GRIN2B: variants seen among roughly 807,000 people sequenced by gnomAD.
GRIN2B encodes the protein glutamate receptor ionotropic, NMDA 2B.
In GRIN2B, 5 loss-of-function variants were observed where a neutral mutation model predicts 114.5. The observed-to-expected ratio is 0.04, with a 90% CI of 0.02 to 0.09. GRIN2B has a LOEUF of 0.09. GRIN2B is among the 10% of genes least tolerant of loss of function. The pLI is 1.00. For missense variants in GRIN2B, 1,108 were observed against 1,943.5 expected (o/e 0.57, Z 8.08); for synonymous variants, 787 against 745.1 (o/e 1.06, Z -0.92).
chr12:13,899,065 G>A (rs1038982211), intron 2 of GRIN2B, among the ~76,000 whole-genome samples: 2 of 152,094 alleles, frequency 1.3e-5, no homozygotes, highest in Non-Finnish European at 2.9e-5. Context: ...AATTCTAAGA[G>A]GCCAATAAGT....
At chr12:13,775,293 C>T (rs569735187) in intron 3 of GRIN2B, among the ~76,000 whole-genome samples, 2 of 152,194 alleles carry the variant, frequency 1.3e-5, no homozygotes, top group Non-Finnish European at 2.9e-5. Flanking sequence ...GTGGGGCTTG[C>T]GAGTAAGAGC....
intron 3 of GRIN2B, among the ~76,000 whole-genome samples, chr12:13,791,102 GA>G (rs1298155108): frequency 1.3e-5 from 2 of 152,106 alleles, no homozygotes; most frequent in Non-Finnish European, 2.9e-5. Context: ...CATAGCTACA[GA>G]AAAAAATGAC....
chr12:13,897,311 C>A (rs1411693144), intron 2 of GRIN2B, among the ~76,000 whole-genome samples: 1 of 152,142 alleles, frequency 6.6e-6, no homozygotes, highest in Admixed American at 6.5e-5. Flanking sequence ...ATCACTTACT[C>A]CATTAGCACA....
chr12:13,612,626 A>G (rs1243696991), intron 8 of GRIN2B, among the ~76,000 whole-genome samples: 1 of 152,266 alleles, frequency 6.6e-6, no homozygotes, highest in Non-Finnish European at 1.5e-5. Flanking sequence ...TGGGCAAGGT[A>G]GCAAGAATGT....
intron 3 of GRIN2B, among the ~76,000 whole-genome samples, chr12:13,821,081 C>G (rs144171964): frequency 6.6e-6 from 1 of 152,024 alleles, no homozygotes; most frequent in East Asian, 1.9e-4. Context: ...TAAAATACCC[C>G]CTGCTCTTCC....
intron 4 of GRIN2B, among the ~76,000 whole-genome samples, chr12:13,747,098 G>A (rs531539288): frequency 4.6e-5 from 7 of 152,258 alleles, no homozygotes; most frequent in Admixed American, 4.6e-4. Flanking sequence ...AAAAATAAAA[G>A]GGAGGAGAAA....
intron 2 of GRIN2B, among the ~76,000 whole-genome samples, chr12:13,873,362 G>A (rs955950992): frequency 1.3e-5 from 2 of 152,154 alleles, no homozygotes; most frequent in Non-Finnish European, 2.9e-5. Flanking sequence ...TTAAGTAGAA[G>A]ACCAATATCT....
chr12:13,757,193 A>T (rs1195103315), intron 3 of GRIN2B, among the ~76,000 whole-genome samples: 1 of 152,236 alleles, frequency 6.6e-6, no homozygotes, highest in Non-Finnish European at 1.5e-5. Flanking sequence ...AATGAAGCCA[A>T]ACAGAAGTCA....
chr12:13,608,173 G>A (rs576731684), intron 10 of GRIN2B, among the ~76,000 whole-genome samples: 3 of 152,280 alleles, frequency 2.0e-5, no homozygotes, highest in Admixed American at 6.5e-5. Flanking sequence ...AGTGTGCACC[G>A]GAACCAAGGG....
At chr12:13,703,830 C>T (rs1425628314) in intron 4 of GRIN2B, among the ~76,000 whole-genome samples, 1 of 152,178 alleles carries the variant, frequency 6.6e-6, no homozygotes, top group African/African-American at 2.4e-5. Flanking sequence ...CCTCTTCCCA[C>T]TTGGGAAACA....
chr12:13,592,334 C>T (rs2136442496), intron 10 of GRIN2B, among the ~76,000 whole-genome samples: 1 of 152,284 alleles, frequency 6.6e-6, no homozygotes, highest in Non-Finnish European at 1.5e-5. Context: ...TCCCAAATAC[C>T]TCCTTCCAAA....
intron 3 of GRIN2B, among the ~76,000 whole-genome samples, chr12:13,839,758 C>G (rs530087432): frequency 6.6e-6 from 1 of 152,198 alleles, no homozygotes; most frequent in South Asian, 2.1e-4. Context: ...ACAAGAAAGG[C>G]CCAAAGAACC....
intron 5 of GRIN2B, among the ~76,000 whole-genome samples, chr12:13,635,585 A>G (rs1356958523): frequency 6.6e-6 from 1 of 152,186 alleles, no homozygotes; most frequent in Admixed American, 6.5e-5. Flanking sequence ...TAGCAGACGT[A>G]AGTAGCAATC....
intron 3 of GRIN2B, among the ~76,000 whole-genome samples, chr12:13,810,948 G>A (rs1286373686): frequency 6.6e-6 from 1 of 152,202 alleles, no homozygotes; most frequent in East Asian, 1.9e-4. Context: ...TGGTCTGAAA[G>A]TCTCACTCTC....
intron 3 of GRIN2B, among the ~76,000 whole-genome samples, chr12:13,826,178 C>T (rs138214514): frequency 2.9e-4 from 44 of 152,064 alleles, no homozygotes; most frequent in African/African-American, 1.1e-3. Flanking sequence ...TCTTCAAATA[C>T]TATTACACCA....
chr12:13,671,994 A>G (rs1837248605), intron 5 of GRIN2B, among the ~76,000 whole-genome samples: 1 of 152,150 alleles, frequency 6.6e-6, no homozygotes, highest in South Asian at 2.1e-4. Context: ...CTACCTCATC[A>G]TGGGTCATTA....
intron 5 of GRIN2B, among the ~76,000 whole-genome samples, chr12:13,672,635 T>C (rs1464579879): frequency 2.0e-5 from 3 of 152,170 alleles, no homozygotes; most frequent in Non-Finnish European, 4.4e-5. Context: ...GTTGGGGAGC[T>C]ACATGGCTCT....
intron 10 of GRIN2B, among the ~76,000 whole-genome samples, chr12:13,594,797 G>A (rs1949052627): frequency 1.3e-5 from 2 of 152,066 alleles, no homozygotes; most frequent in Admixed American, 1.3e-4. Context: ...GGGTGTATTG[G>A]ATAACGTGTG....
chr12:13,924,825 C>A (rs749851193), intron 2 of GRIN2B, among the ~76,000 whole-genome samples: 34 of 152,132 alleles, frequency 2.2e-4, no homozygotes, highest in Non-Finnish European at 4.7e-4. Flanking sequence ...ATCTCCTTAT[C>A]CTCTCTAAAT....
Sources: gnomAD v4.1 joint callset for allele counts (sites outside exome capture counted in the v4.1 genomes callset) on GRCh38, gnomAD v4.1.1 for gene constraint, MANE v1.5 for transcripts, NCBI Gene and HGNC (gene_info 2026-07-23, HGNC 2026-07-21) for gene names.